Variants in AGPAT5 observed in about 807,000 individuals in gnomAD.
The protein encoded by AGPAT5 is 1-acylglycerol-3-phosphate O-acyltransferase 5.
Under a neutral mutation model 45.6 loss-of-function variants are expected in AGPAT5, and 46 were observed. That is an observed-to-expected ratio of 1.01 (90% confidence interval 0.80 to 1.29). The LOEUF (loss-of-function observed/expected upper bound fraction) is 1.29, where lower values mean the gene tolerates loss of function less well. Ranked by LOEUF, AGPAT5 falls within the 50% of genes most tolerant of loss-of-function variation. AGPAT5 has a pLI of 0.00. For missense variants in AGPAT5, 673 were observed against 450.7 expected, an observed-to-expected ratio of 1.49 and a Z score of -4.47; for synonymous variants, 272 against 167.0, an observed-to-expected ratio of 1.63 and a Z score of -4.85.
At chr8:6,740,854 C>G (rs1023595202) in intron 4 of AGPAT5, among the ~76,000 whole-genome samples, 10 of 152,042 alleles carry the variant, frequency 6.6e-5, no homozygotes, top group African/African-American at 2.2e-4. Context: ...GTCTTGTTTC[C>G]TGTATTCTGT....
chr8:6,750,620 T>C (rs1469264554), intron 6 of AGPAT5, among the ~76,000 whole-genome samples: 1 of 152,162 alleles, frequency 6.6e-6, no homozygotes, highest in Non-Finnish European at 1.5e-5. Context: ...GATAAGAAGA[T>C]GACTGATAAC....
intron 1 of AGPAT5, among the ~76,000 whole-genome samples, chr8:6,720,953 A>G (rs372283705): frequency 7.6e-4 from 116 of 152,328 alleles, no homozygotes; most frequent in African/African-American, 2.5e-3. Flanking sequence ...ACACCTAGTC[A>G]TTACAGTTTT....
At position 6,708,873 on chromosome 8, in the gene AGPAT5, T is replaced by A. The variant is rs752004741; in HGVS notation, c.205T>A (p.Tyr69Asn). The A allele has an allele frequency of 6.2e-7, 1 of 1,605,818 alleles. No individual in the cohort carries two copies. Among genetic ancestry groups the A allele is most frequent in the Admixed American group, 1.7e-5 (1 of 59,762 alleles). ...CATGGTGCTCTTCTTCTTCGAGAATTACACCGGGGTCCAGGTGAGCCGCCT... is the reference window on the plus strand; with the variant it reads ...CATGGTGCTCTTCTTCTTCGAGAATAACACCGGGGTCCAGGTGAGCCGCCT... ...QSMVLFFFEN[Y>N]TGVQILLYGD... The change falls in exon 1 of 8, where the codon TAC becomes AAC. Residue 69 changes from tyrosine to asparagine, a missense_variant. Coordinates refer to ENST00000285518, the MANE Select transcript of AGPAT5 (RefSeq NM_018361.5).
chr8:6,734,752 T>A (rs1469642149), intron 4 of AGPAT5, among the ~76,000 whole-genome samples: 3 of 152,040 alleles, frequency 2.0e-5, no homozygotes, highest in African/African-American at 4.8e-5. Context: ...GACTTGTCTT[T>A]CTGCTTGGCC....
intron 1 of AGPAT5, among the ~76,000 whole-genome samples, chr8:6,718,612 C>T (rs1352515403): frequency 6.6e-6 from 1 of 152,218 alleles, no homozygotes; most frequent in African/African-American, 2.4e-5. Context: ...TGTTGATTTA[C>T]AGGCGGCTGA....
At chr8:6,742,790 G>A (rs1801282424) in intron 5 of AGPAT5, among the ~76,000 whole-genome samples, 1 of 152,294 alleles carries the variant, frequency 6.6e-6, no homozygotes, top group Admixed American at 6.5e-5. Context: ...AAAAATGCCA[G>A]TTTGTTTTTA....
At chr8:6,743,644 G>A (rs988562012) in intron 5 of AGPAT5, among the ~76,000 whole-genome samples, 1 of 152,108 alleles carries the variant, frequency 6.6e-6, no homozygotes, top group African/African-American at 2.4e-5. Context: ...GCTGTTCGAA[G>A]GGTTTTGTTT....
At chr8:6,736,811 G>A (rs1306912642) in intron 4 of AGPAT5, among the ~76,000 whole-genome samples, 1 of 152,240 alleles carries the variant, frequency 6.6e-6, no homozygotes, top group South Asian at 2.1e-4. Context: ...CTTTCACCCT[G>A]AGAGTAGAGC....
intron 3 of AGPAT5, among the ~76,000 whole-genome samples, chr8:6,731,730 G>C (rs1465874993): frequency 6.6e-6 from 1 of 151,742 alleles, no homozygotes; most frequent in Non-Finnish European, 1.5e-5. Context: ...ACAGTAATTA[G>C]TGATCTGTAT....
chr8:6,708,700 C>T lies in AGPAT5; in HGVS notation c.32C>T (p.Ser11Phe). ...CTGTCCCTGGTGCTCCACACGTACT[C>T]CATGCGCTACCTGCTGCCCAGCGTC... MLLSLVLHTY[S>F]MRYLLPSVVL... The change falls in exon 1 of 8, where the codon TCC (serine) becomes TTC (phenylalanine). Residue 11 changes from serine to phenylalanine, a missense_variant. Transcript: ENST00000285518. 3 of 1,604,654 alleles carry T rather than the reference C, an allele frequency of 1.9e-6. No individual in the cohort carries two copies. The highest frequency in any genetic ancestry group is 2.5e-6 in the Non-Finnish European group (3 of 1,179,448).
Position 6,759,831 on chromosome 8 carries a change from A to G in AGPAT5, c.*2443A>G, listed in dbSNP as rs1801971570. On this transcript the variant is annotated 3_prime_UTR_variant, in exon 8 of 8. Coordinates refer to ENST00000285518, the MANE Select transcript of AGPAT5 (RefSeq NM_018361.5). ...AATAATCAAAACTGTTAAGCAGTAT[A>G]TTAGTTTGGTTATATAAATTCATCT... Among the ~76,000 whole-genome samples the G allele has an allele frequency of 6.6e-6, 1 of 152,220 alleles. No homozygotes were observed. Among genetic ancestry groups the G allele is most frequent in the Non-Finnish European group, 1.5e-5 (1 of 68,040 alleles).
intron 2 of AGPAT5, among the ~76,000 whole-genome samples, chr8:6,730,027 C>T (rs1056873373): frequency 6.6e-5 from 10 of 152,052 alleles, no homozygotes; most frequent in Non-Finnish European, 1.2e-4. Flanking sequence ...TATATATACA[C>T]ACTGAATATT....
intron 5 of AGPAT5, 91 bp downstream of exon 5, chr8:6,741,842 A>G (rs1801255009): frequency 2.0e-6 from 2 of 1,001,282 alleles, no homozygotes; most frequent in South Asian, 1.5e-5. Context: ...TTTGTTTTAC[A>G]GTTGAAGGAA....
intron 1 of AGPAT5, among the ~76,000 whole-genome samples, chr8:6,711,833 C>G (rs1800165672): frequency 6.6e-6 from 1 of 152,212 alleles, no homozygotes; most frequent in Non-Finnish European, 1.5e-5. Flanking sequence ...CTTGCTGCCA[C>G]CTCTTCTGTC....
chr8:6,756,436 G>T (rs987155364), intron 7 of AGPAT5, among the ~76,000 whole-genome samples: 8 of 151,994 alleles, frequency 5.3e-5, no homozygotes, highest in African/African-American at 1.7e-4. Context: ...AGACAGCCTG[G>T]GCAACATGGC....
chr8:6,757,144 T>G lies in AGPAT5; in HGVS notation c.870-19T>G, dbSNP rs1289333519. On this transcript the variant is annotated intron_variant, in intron 7 of 7. Transcript: ENST00000285518. The stretch of plus-strand genomic sequence containing the variant: ...TACTGAAGTGACTAAAATCTAAACT[T>G]TTTCCATTCTGGCCATAGGATGCTT... The G allele has an allele frequency of 6.3e-7, 1 of 1,594,512 alleles. No homozygotes were observed. The highest frequency in any genetic ancestry group is 2.2e-5 in the East Asian group (1 of 44,708).
rs1800692185 is a variant in AGPAT5 at position 6,726,523 on chromosome 8, G to T, written c.289+1584G>T. Among the ~76,000 whole-genome samples the T allele has an allele frequency of 3.3e-5, 5 of 152,162 alleles. No homozygotes were observed. In the South Asian group the frequency reaches 1.0e-3, roughly 31 times the overall value. On this transcript the variant is annotated intron_variant, in intron 2 of 7. Coordinates refer to ENST00000285518, the MANE Select transcript of AGPAT5 (RefSeq NM_018361.5). ...TTCTCTGAACATTTCTGGAAGTGTT[G>T]CTGATAGTGATAATATTGATCACTA... is the stretch of plus-strand genomic sequence containing the variant.
intron 5 of AGPAT5, among the ~76,000 whole-genome samples, chr8:6,747,436 C>T (rs954372993): frequency 6.6e-6 from 1 of 152,188 alleles, no homozygotes; most frequent in Admixed American, 6.5e-5. Context: ...ACTTCCAACA[C>T]GGTGACTTGT....
chr8:6,755,446 A>G (rs142100224), intron 7 of AGPAT5, among the ~76,000 whole-genome samples: 15 of 152,326 alleles, frequency 9.8e-5, no homozygotes, highest in Admixed American at 1.3e-4. Context: ...AAAAACAACA[A>G]CAAACACACA....
Sources: allele counts gnomAD v4.1 joint callset (sites outside exome capture counted in the v4.1 genomes callset), GRCh38; gene constraint gnomAD v4.1.1; transcripts MANE v1.5; gene names NCBI Gene and HGNC (gene_info 2026-07-23, HGNC 2026-07-21).